The following MAP4K3 variants were observed in gnomAD, a reference collection of about 807,000 sequenced individuals.
The protein encoded by MAP4K3 is mitogen-activated protein kinase kinase kinase kinase 3.
In MAP4K3, 94 loss-of-function variants were observed where a neutral mutation model predicts 143.5. That is an observed-to-expected ratio of 0.65 (90% CI 0.55 to 0.78). The LOEUF is 0.78. MAP4K3 is among the 30% of genes least tolerant of loss of function. The pLI, the probability that MAP4K3 is intolerant of heterozygous loss-of-function variation, is 0.00. For synonymous variants in MAP4K3, 416 were observed against 347.2 expected, an observed-to-expected ratio of 1.20 and a Z score of -2.20; for missense variants, 1,077 against 1,068.1, an observed-to-expected ratio of 1.01 and a Z score of -0.12.
chr2:39,397,025 A>G (rs1399968176), intron 1 of MAP4K3, among the ~76,000 whole-genome samples: 1 of 152,222 alleles, frequency 6.6e-6, no homozygotes, highest in African/African-American at 2.4e-5. Flanking sequence ...GCTGGATTTC[A>G]CATCACCCCT....
At chr2:39,354,603 A>C (rs1665553848) in intron 3 of MAP4K3, among the ~76,000 whole-genome samples, 1 of 151,984 alleles carries the variant, frequency 6.6e-6, no homozygotes, top group Non-Finnish European at 1.5e-5. Flanking sequence ...GGGAGGTTGC[A>C]CTGAGCTGAG....
At chr2:39,282,615 G>T in intron 21 of MAP4K3, 61 bp from the exon 22 acceptor site, 1 of 1,078,696 alleles carries the variant, frequency 9.3e-7, no homozygotes, top group Non-Finnish European at 1.4e-6. Context: ...TAATAATACT[G>T]TATTTCAAAC....
chr2:39,412,244 T>A (rs1284429734), intron 1 of MAP4K3, among the ~76,000 whole-genome samples: 1 of 152,170 alleles, frequency 6.6e-6, no homozygotes. Context: ...CCAAATTGGA[T>A]CTACAGGAGA....
intron 24 of MAP4K3, among the ~76,000 whole-genome samples, chr2:39,272,976 G>A (rs927363615): frequency 4.0e-5 from 6 of 151,720 alleles, no homozygotes; most frequent in African/African-American, 1.5e-4. Context: ...ATGGTGTAGT[G>A]GAACACAGGA....
At chr2:39,321,364 G>A (rs1683294656) in intron 12 of MAP4K3, among the ~76,000 whole-genome samples, 1 of 152,202 alleles carries the variant, frequency 6.6e-6, no homozygotes, top group East Asian at 1.9e-4. Flanking sequence ...TGTGCAAGAT[G>A]TGCTTTGTTA....
At chr2:39,357,824 TTA>T (rs1488277276) in intron 2 of MAP4K3, among the ~76,000 whole-genome samples, 2 of 152,234 alleles carry the variant, frequency 1.3e-5, no homozygotes, top group Non-Finnish European at 2.9e-5. Context: ...TTCTGGACTT[TTA>T]GTTTCTCACT....
intron 21 of MAP4K3, among the ~76,000 whole-genome samples, chr2:39,284,005 C>T (rs1001986395): frequency 3.9e-5 from 6 of 152,182 alleles, no homozygotes; most frequent in Admixed American, 6.5e-5. Flanking sequence ...AAATGACATA[C>T]TTTGTAGATA....
intron 23 of MAP4K3, among the ~76,000 whole-genome samples, chr2:39,279,353 A>G (rs947269400): frequency 4.6e-5 from 7 of 152,162 alleles, no homozygotes; most frequent in Non-Finnish European, 8.8e-5. Flanking sequence ...TCTAGCACCA[A>G]TTGGCTATAA....
At chr2:39,329,044 G>A (rs1683599292) in intron 8 of MAP4K3, among the ~76,000 whole-genome samples, 1 of 152,186 alleles carries the variant, frequency 6.6e-6, no homozygotes. Context: ...GACAGATACA[G>A]GGAGAGTGTT....
chr2:39,278,368 T>G, intron 24 of MAP4K3, 39 bp downstream of exon 24: 1 of 1,287,102 alleles, frequency 7.8e-7, no homozygotes, highest in South Asian at 1.4e-5. Context: ...TATGGTAACT[T>G]AAAAATTAAA....
chr2:39,376,107 T>C (rs1284734251), intron 2 of MAP4K3, among the ~76,000 whole-genome samples: 14 of 152,252 alleles, frequency 9.2e-5, no homozygotes, highest in Non-Finnish European at 1.8e-4. Flanking sequence ...AATTTATGTT[T>C]AACACTTTAA....
At chr2:39,282,477 G>C (rs776762357) in intron 22 of MAP4K3, 36 bp downstream of exon 22, 4 of 1,564,644 alleles carry the variant, frequency 2.6e-6, no homozygotes, top group East Asian at 2.3e-5. Context: ...AAGTGACTTA[G>C]CTTGAAACTT....
At chr2:39,355,488 C>T (rs1313448735) in intron 3 of MAP4K3, among the ~76,000 whole-genome samples, 1 of 151,650 alleles carries the variant, frequency 6.6e-6, no homozygotes, top group Admixed American at 6.6e-5. Context: ...GCCATGATCA[C>T]ACCACAGCAC....
At chr2:39,327,500 A>G (rs951887522) in intron 8 of MAP4K3, among the ~76,000 whole-genome samples, 4 of 152,150 alleles carry the variant, frequency 2.6e-5, no homozygotes, top group East Asian at 3.8e-4. Context: ...ATCCTAAACA[A>G]TATTTTTAAA....
At chr2:39,299,866 TATATA>T in intron 15 of MAP4K3, 65 bp from the exon 16 acceptor site, 1 of 596,178 alleles carries the variant, frequency 1.7e-6, no homozygotes, top group Non-Finnish European at 2.7e-6. Context: ...TACATTAATA[TATATA>T]ATACATATTA....
At chr2:39,385,300 G>C (rs932177268) in intron 1 of MAP4K3, among the ~76,000 whole-genome samples, 5 of 152,036 alleles carry the variant, frequency 3.3e-5, no homozygotes, top group Non-Finnish European at 7.4e-5. Context: ...ATTCCCAGAA[G>C]CAACGCATGG....
At chr2:39,337,689 C>CAGTAGAATTGTT in intron 4 of MAP4K3, 108 bp from the exon 5 acceptor site, 1 of 560,578 alleles carries the variant, frequency 1.8e-6, no homozygotes, top group Non-Finnish European at 3.2e-6. Context: ...CTAAACAATT[C>CAGTAGAATTGTT]TACTGAAATG....
rs765858421 is a variant in MAP4K3 at position 39,299,793 on chromosome 2, T to C, written c.1128A>G (p.Gln376=). 4 of 1,569,408 alleles carry C rather than the reference T, an allele frequency of 2.5e-6. No homozygotes were observed. Residue 376 remains glutamine (Q), a synonymous_variant, in exon 16 of 34, where the codon CAA becomes CAG. Coordinates refer to ENST00000263881, the MANE Select transcript of MAP4K3 (RefSeq NM_003618.4). ...YYTARSNLDL[Q]LEYGQGHQGG... ...CTTGGTGTCCTTGTCCATATTCCAG[T>C]TGCAGATCCTAATAGTACAAAATAA...
rs937832249 is a variant in MAP4K3, at chr2:39,428,997, G to A, written c.96+7895C>T. 2.7e-5 allele frequency among the ~76,000 whole-genome samples: 4 copies of A among 149,492 alleles called. No homozygotes were observed. In the South Asian group the frequency reaches 6.3e-4, roughly 24 times the overall value. On this transcript the variant is annotated intron_variant, in intron 1 of 33. Transcript: ENST00000263881. ...GCAGAATTGCTTGAACCCAGGAGGC[G>A]GAGGTTGCAGCGACCCGAAATAGCG... is the stretch of plus-strand genomic sequence containing the variant.
Sources: allele counts gnomAD v4.1 joint callset (sites outside exome capture counted in the v4.1 genomes callset), GRCh38; gene constraint gnomAD v4.1.1; transcripts MANE v1.5; gene names NCBI Gene and HGNC (gene_info 2026-07-23, HGNC 2026-07-21).